ENAM: variants seen among roughly 807,000 people sequenced by gnomAD.
ENAM encodes amelogenesis imperfecta 2, hypocalcification (autosomal dominant).
A neutral mutation model predicts 33.6 loss-of-function variants in ENAM; 21 were observed. The ratio of observed to expected loss-of-function variants is 0.63; its 90% confidence interval spans 0.44 to 0.90. The LOEUF is 0.90. ENAM is among the 40% of genes least tolerant of loss of function. ENAM has a pLI of 0.00. For synonymous variants in ENAM, 473 were observed against 468.4 expected, an observed-to-expected ratio of 1.01 and a Z score of -0.13; for missense variants, 1,388 against 1,366.9, an observed-to-expected ratio of 1.02 and a Z score of -0.24.
intron 6 of ENAM, 21 bp downstream of exon 6, chr4:70,634,589 T>C (rs567213429): frequency 2.5e-6 from 4 of 1,612,880 alleles, no homozygotes; most frequent in East Asian, 2.2e-5. Flanking sequence ...CACAGAAAAA[T>C]TCCATATCTG....
In ENAM at chr4:70,634,293, T is replaced by G. The variant is rs765458823; in HGVS notation, c.211-15T>G. ...AGCTCTATTATGATTTCACTATTAT[T>G]TGCTACCCTTTCAGATGGCACACCT... On this transcript the variant is annotated splice_polypyrimidine_tract_variant and intron_variant, in intron 5 of 8. Transcript: ENST00000396073. 1.9e-6 allele frequency: 3 copies of G among 1,613,472 alleles called. No homozygotes were observed. Among genetic ancestry groups the G allele is most frequent in the Non-Finnish European group, 2.5e-6 (3 of 1,179,552 alleles).
At chr4:70,641,578 C>T (rs1006196391) in intron 8 of ENAM, among the ~76,000 whole-genome samples, 4 of 151,530 alleles carry the variant, frequency 2.6e-5, no homozygotes, top group African/African-American at 4.9e-5. Context: ...TTAGTAAAGA[C>T]GGGGTTTCAC....
In ENAM at chr4:70,644,174, C is replaced by T. The variant is rs1560405697; in HGVS notation, c.2748C>T (p.Thr916=). The change falls in exon 9 of 9, where the codon ACC becomes ACT. Residue 916 remains threonine, a synonymous_variant. Coordinates refer to ENST00000396073, the MANE Select transcript of ENAM (RefSeq NM_031889.3). ...TSPLYTDGSH[T]KQTRDIISPT... ...CTCTGTATACAGACGGTAGTCATAC[C>T]AAGCAGACAAGAGATATCATCTCCC... 3 of 1,614,012 alleles carry T rather than the reference C, an allele frequency of 1.9e-6. No homozygotes were observed. Among genetic ancestry groups the T allele is most frequent in the Non-Finnish European group, 1.7e-6 (2 of 1,179,990 alleles).
At chr4:70,640,420 A>G (rs1185890892) in intron 8 of ENAM, among the ~76,000 whole-genome samples, 1 of 152,250 alleles carries the variant, frequency 6.6e-6, no homozygotes, top group African/African-American at 2.4e-5. Context: ...AAGTTTCAAT[A>G]TGAATAAGCC....
rs1738611684 is a variant in ENAM, at chr4:70,642,065, T to C, written c.639T>C (p.Pro213=). Residue 213 remains proline, a synonymous_variant, in exon 9 of 9, where the codon CCT becomes CCC. Transcript: ENST00000396073. ...FGYHGFGGRP[P]YYSEEMFEQD... ...ATCATGGCTTTGGGGGTCGCCCTCC[T>C]TATTATTCAGAAGAAATGTTTGAAC... is the stretch of plus-strand genomic sequence containing the variant. 1.2e-6 allele frequency: 2 copies of C among 1,613,946 alleles called. No homozygotes were observed. The highest frequency in any genetic ancestry group is 2.7e-5 in the African/African-American group (2 of 74,920).
chr4:70,639,457 G>A (rs972396895), intron 8 of ENAM, among the ~76,000 whole-genome samples: 2 of 152,038 alleles, frequency 1.3e-5, no homozygotes, highest in East Asian at 3.9e-4. Flanking sequence ...GGGTATGGTG[G>A]TGCTGGCCTG....
In ENAM at chr4:70,644,033, C is replaced by A. The variant is rs1330498160; in HGVS notation, c.2607C>A (p.Ser869Arg). Residue 869 changes from serine to arginine, a missense_variant, in exon 9 of 9, where the codon AGC (serine) becomes AGA (arginine). Physicochemically the swap from Ser to Arg is moderately radical, Grantham distance 110 (BLOSUM62 -1). Coordinates refer to ENST00000396073, the MANE Select transcript of ENAM (RefSeq NM_031889.3). Reference sequence around the variant, plus strand: ...AAGAAGCACATTTATTTCACCTAAGCCAGAGAGGCTCTTGCTGTGCTGGTA... The same window carrying A: ...AAGAAGCACATTTATTTCACCTAAGACAGAGAGGCTCTTGCTGTGCTGGTA... The part of the protein sequence containing the change: ...GQKEAHLFHL[S>R]QRGSCCAGSS... 6.2e-7 allele frequency: 1 copy of A among 1,614,150 alleles called. No homozygotes were observed. The highest frequency in any genetic ancestry group is 1.1e-5 in the South Asian group (1 of 91,080).
chr4:70,642,776 T>C lies in ENAM; in HGVS notation c.1350T>C (p.Pro450=), dbSNP rs758698030. Residue 450 remains proline, a synonymous_variant, in exon 9 of 9, where the codon CCT becomes CCC. Transcript: ENST00000396073. The stretch of plus-strand genomic sequence containing the variant: ...GTCCAAAAGAACAAATAATAGTTCC[T>C]ACAAAGAATCCAACCAGCCCCTGGA... ...PLGPKEQIIV[P]TKNPTSPWRN... 1.9e-6 allele frequency: 3 copies of C among 1,613,130 alleles called. No individual in the cohort carries two copies. The highest frequency in any genetic ancestry group is 1.6e-4 in the Middle Eastern group (1 of 6,072).
At chr4:70,641,302 A>T (rs1456905097) in intron 8 of ENAM, among the ~76,000 whole-genome samples, 1 of 152,066 alleles carries the variant, frequency 6.6e-6, no homozygotes, top group Non-Finnish European at 1.5e-5. Flanking sequence ...GGGAGTTGTT[A>T]GCAGTCTATG....
chr4:70,644,001 G>A lies in ENAM; in HGVS notation c.2575G>A (p.Gly859Ser). The change falls in exon 9 of 9, where the codon GGT (glycine) becomes AGT (serine). Residue 859 changes from glycine (G) to serine (S), a missense_variant. Transcript: ENST00000396073. ...CTTCATCCCACCAAGTTACCCATCAGGTCAAAAAGAAGCACATTTATTTCA... is the reference window on the plus strand; with the variant it reads ...CTTCATCCCACCAAGTTACCCATCAAGTCAAAAAGAAGCACATTTATTTCA... ...PNFIPPSYPS[G>S]QKEAHLFHLS... 6.2e-7 allele frequency: 1 copy of A among 1,614,108 alleles called. No individual in the cohort carries two copies. Among genetic ancestry groups the A allele is most frequent in the Non-Finnish European group, 8.5e-7 (1 of 1,180,000 alleles).
At chr4:70,632,133 T>C (rs1203041040) in intron 4 of ENAM, among the ~76,000 whole-genome samples, 1 of 152,208 alleles carries the variant, frequency 6.6e-6, no homozygotes, top group Non-Finnish European at 1.5e-5. Flanking sequence ...TGTTAAAATC[T>C]AGTTGATGTT....
intron 2 of ENAM, among the ~76,000 whole-genome samples, chr4:70,631,334 T>C (rs1036396452): frequency 2.0e-5 from 3 of 152,026 alleles, no homozygotes; most frequent in Non-Finnish European, 2.9e-5. Flanking sequence ...GGGGATAACC[T>C]CCTAATTTCT....
At position 70,629,558 on chromosome 4, in the gene ENAM, A is replaced by G. The variant is rs1014086848; in HGVS notation, c.54+4A>G. 23 of 1,609,016 alleles carry G rather than the reference A, an allele frequency of 1.4e-5. No individual in the cohort carries two copies. Among genetic ancestry groups the G allele is most frequent in the Non-Finnish European group, 1.8e-5 (21 of 1,175,632 alleles). ...TTTTCCTAAACTAGATAACTTGGTG[A>G]GTACTTTCATTTATTTTTGCCAATA... On this transcript the variant is annotated splice_donor_region_variant and intron_variant, in intron 2 of 8. Coordinates refer to ENST00000396073, the MANE Select transcript of ENAM (RefSeq NM_031889.3).
chr4:70,630,016 C>G (rs894084834), intron 2 of ENAM, among the ~76,000 whole-genome samples: 1 of 152,106 alleles, frequency 6.6e-6, no homozygotes. Flanking sequence ...AAAGCTTTCA[C>G]CAGTATTCTC....
rs913577731 is a variant in ENAM at position 70,645,110 on chromosome 4, C to T, written c.*255C>T. ...AAGAAGGCCATGACCATCCCTGCCT[C>T]GAAACTTGCAAGTCACTTGTCTGAG... On this transcript the variant is annotated 3_prime_UTR_variant, in exon 9 of 9. Transcript: ENST00000396073. The T allele has an allele frequency of 1.1e-5, 6 of 525,226 alleles. No homozygotes were observed. Among genetic ancestry groups the T allele is most frequent in the African/African-American group, 3.8e-5 (2 of 52,966 alleles). The allele number at this position is 525,226 out of a possible 1,614,324, so 32.5% of individuals were successfully genotyped here. A position where few individuals can be genotyped will look rare whatever the true frequency, so the allele number is the denominator to read the frequency against.
At chr4:70,641,760 A>G (rs766342929) in intron 8 of ENAM, among the ~76,000 whole-genome samples, 12 of 152,158 alleles carry the variant, frequency 7.9e-5, no homozygotes, top group Non-Finnish European at 1.5e-4. Context: ...AGAAAAACAA[A>G]CAAAAACCCT....
Position 70,629,557 on chromosome 4 carries a change from G to C in ENAM, c.54+3G>C, listed in dbSNP as rs777978626. ...CTTTTCCTAAACTAGATAACTTGGT[G>C]AGTACTTTCATTTATTTTTGCCAAT... On this transcript the variant is annotated splice_donor_region_variant and intron_variant, in intron 2 of 8. Transcript: ENST00000396073. 1 of 1,609,884 alleles carries C rather than the reference G, an allele frequency of 6.2e-7. No homozygotes were observed. The highest frequency in any genetic ancestry group is 8.5e-7 in the Non-Finnish European group (1 of 1,176,350).
Position 70,642,395 on chromosome 4 carries a change from T to A in ENAM, c.969T>A (p.Pro323=), listed in dbSNP as rs762394450. Residue 323 remains proline, a synonymous_variant, in exon 9 of 9, where the codon CCT becomes CCA. Transcript: ENST00000396073. ...QPNIRENHPY[P]NIRNFPSGRQ... is the part of the protein sequence containing the mutation. ...ATATTCGTGAAAATCATCCATATCC[T>A]AATATAAGAAATTTTCCTTCAGGAA... 6.2e-7 allele frequency: 1 copy of A among 1,614,084 alleles called. No individual in the cohort carries two copies. The highest frequency in any genetic ancestry group is 8.5e-7 in the Non-Finnish European group (1 of 1,180,002).
chr4:70,638,508 G>C (rs1738517576), intron 8 of ENAM, among the ~76,000 whole-genome samples: 1 of 142,956 alleles, frequency 7.0e-6, no homozygotes, highest in Non-Finnish European at 1.5e-5. Context: ...GAGCCTTGGG[G>C]GTGGAGGTTG....
Sources: gnomAD v4.1 joint callset for allele counts (sites outside exome capture counted in the v4.1 genomes callset) on GRCh38, gnomAD v4.1.1 for gene constraint, MANE v1.5 for transcripts, NCBI Gene and HGNC (gene_info 2026-07-23, HGNC 2026-07-21) for gene names.